BLVRA: variants seen among roughly 807,000 people sequenced by gnomAD.
The protein encoded by BLVRA is BVR A.
A neutral mutation model predicts 32.8 loss-of-function variants in BLVRA; 22 were observed. The ratio of observed to expected loss-of-function variants is 0.67; its 90% CI spans 0.48 to 0.96. The LOEUF is 0.96. BLVRA is among the 40% of genes least tolerant of loss of function. BLVRA has a pLI of 0.00. For missense variants in BLVRA, 323 were observed against 358.1 expected (o/e 0.90, Z 0.79); for synonymous variants, 119 against 141.3 (o/e 0.84, Z 1.12).
At chr7:43,806,904 C>G in intron 7 of BLVRA, 73 bp from the exon 8 acceptor site, 1 of 1,570,526 alleles carries the variant, frequency 6.4e-7, no homozygotes, top group Admixed American at 1.7e-5. Context: ...ACCAGGCGGT[C>G]TGGTGCCAGC....
intron 3 of BLVRA, 133 bp downstream of exon 3, chr7:43,788,158 GC>G (rs1371804798): frequency 1.3e-6 from 2 of 1,509,458 alleles, no homozygotes; most frequent in Non-Finnish European, 1.8e-6. Flanking sequence ...CTTAGGGTCA[GC>G]CCCATAAGAT....
At chr7:43,799,478 A>ATTTAT (rs1160498519) in intron 5 of BLVRA, among the ~76,000 whole-genome samples, 2 of 152,134 alleles carry the variant, frequency 1.3e-5, no homozygotes, top group African/African-American at 2.4e-5. Flanking sequence ...ATAATCCAAA[A>ATTTAT]TTTATTTTAT....
intron 3 of BLVRA, among the ~76,000 whole-genome samples, chr7:43,790,785 G>A (rs1378691326): frequency 1.3e-5 from 2 of 152,176 alleles, no homozygotes; most frequent in Non-Finnish European, 2.9e-5. Context: ...TGATTCTCCT[G>A]CCTCAGCCTC....
intron 5 of BLVRA, among the ~76,000 whole-genome samples, chr7:43,798,226 A>AAAAAAT (rs1563550433): frequency 7.1e-6 from 1 of 141,600 alleles, no homozygotes; most frequent in Non-Finnish European, 1.5e-5. Flanking sequence ...AAAAAAAAAA[A>AAAAAAT]GGAAACGATG....
chr7:43,795,844 G>A (rs1399661923), intron 5 of BLVRA, among the ~76,000 whole-genome samples: 1 of 151,916 alleles, frequency 6.6e-6, no homozygotes, highest in African/African-American at 2.4e-5. Flanking sequence ...AGTGGCTCAC[G>A]CCTGTAATCC....
At chr7:43,760,324 T>C (rs1048315382) in intron 1 of BLVRA, among the ~76,000 whole-genome samples, 2 of 152,224 alleles carry the variant, frequency 1.3e-5, no homozygotes, top group African/African-American at 4.8e-5. Flanking sequence ...CACTGCTTAT[T>C]ACTCCCAGTC....
chr7:43,795,494 GAT>G lies in BLVRA; in HGVS notation c.352+2683_352+2684del, dbSNP rs938953615. Among the ~76,000 whole-genome samples the G allele has an allele frequency of 1.6e-4, 24 of 152,128 alleles. No homozygotes were observed. The South Asian group carries it at 1.7e-3, about 11-fold the overall frequency. On this transcript the variant is annotated intron_variant, in intron 5 of 7. Coordinates refer to ENST00000265523, the MANE Select transcript of BLVRA (RefSeq NM_000712.4). Reference sequence around the variant, plus strand: ...CGCACCACTGCACTCCAGCCTGGGCGATGGAGTGAGACTCTGCTCAAACAAAA... The same window carrying G: ...CGCACCACTGCACTCCAGCCTGGGCGGGAGTGAGACTCTGCTCAAACAAAA...
At chr7:43,791,494 G>C in intron 4 of BLVRA, 126 bp downstream of exon 4, 1 of 1,025,534 alleles carries the variant, frequency 9.8e-7, no homozygotes. Context: ...ATTGCTCTGT[G>C]ACCAATCACA....
At chr7:43,774,348 T>C (rs1395976296) in intron 2 of BLVRA, among the ~76,000 whole-genome samples, 3 of 152,330 alleles carry the variant, frequency 2.0e-5, no homozygotes, top group Admixed American at 6.5e-5. Flanking sequence ...GTTTCAGCTT[T>C]CTACATATGG....
intron 7 of BLVRA, among the ~76,000 whole-genome samples, chr7:43,806,190 G>A (rs1453499537): frequency 7.9e-5 from 12 of 152,186 alleles, no homozygotes; most frequent in Admixed American, 6.5e-4. Context: ...GCAGGTGCCT[G>A]TAATCCCAGG....
At chr7:43,778,520 T>C (rs915207234) in intron 2 of BLVRA, among the ~76,000 whole-genome samples, 12 of 152,200 alleles carry the variant, frequency 7.9e-5, no homozygotes, top group Non-Finnish European at 1.5e-4. Flanking sequence ...CCTCTGGAAG[T>C]TTTGTCTCAG....
chr7:43,798,308 A>G lies in BLVRA; in HGVS notation c.353-2157A>G, dbSNP rs139826326. ...ATCTAATTACTAATGATATCACTTC[A>G]TTAGGTGGTGTCTGACGGGCTTTTC... On this transcript the variant is annotated intron_variant, in intron 5 of 7. Transcript: ENST00000265523. 2.3e-3 allele frequency among the ~76,000 whole-genome samples: 348 copies of G among 149,962 alleles called. 2 individuals carry two copies. The highest frequency in any genetic ancestry group is 8.2e-3 in the African/African-American group (336 of 40,762).
At chr7:43,801,884 C>A (rs189490855) in intron 6 of BLVRA, among the ~76,000 whole-genome samples, 63 of 152,174 alleles carry the variant, frequency 4.1e-4, no homozygotes, top group African/African-American at 1.4e-3. Flanking sequence ...CCTGTAATTC[C>A]AGCACTTGGG....
chr7:43,763,631 C>G (rs1407267930), intron 1 of BLVRA, among the ~76,000 whole-genome samples: 6 of 152,246 alleles, frequency 3.9e-5, no homozygotes, highest in Non-Finnish European at 7.3e-5. Context: ...GGCTCTGTTT[C>G]ATGAAGTAAT....
intron 1 of BLVRA, among the ~76,000 whole-genome samples, chr7:43,770,908 A>C (rs557292690): frequency 6.6e-6 from 1 of 152,240 alleles, no homozygotes; most frequent in South Asian, 2.1e-4. Flanking sequence ...GCCCTTCTCT[A>C]AGGAAGCATT....
At chr7:43,797,842 G>C (rs1248533489) in intron 5 of BLVRA, among the ~76,000 whole-genome samples, 1 of 152,006 alleles carries the variant, frequency 6.6e-6, no homozygotes, top group African/African-American at 2.4e-5. Context: ...CCCTAAATTT[G>C]AATATATCTG....
At chr7:43,803,192 A>C (rs1386399813) in intron 6 of BLVRA, among the ~76,000 whole-genome samples, 1 of 152,192 alleles carries the variant, frequency 6.6e-6, no homozygotes, top group African/African-American at 2.4e-5. Context: ...CCACTTACAC[A>C]TCAGGTAGTT....
intron 3 of BLVRA, among the ~76,000 whole-genome samples, chr7:43,789,755 C>G (rs2095783146): frequency 1.3e-5 from 2 of 152,118 alleles, no homozygotes; most frequent in Non-Finnish European, 2.9e-5. Context: ...CCTGACCTAC[C>G]TGCTAAGTTC....
chr7:43,763,122 G>A (rs2095744209), intron 1 of BLVRA, among the ~76,000 whole-genome samples: 1 of 152,170 alleles, frequency 6.6e-6, no homozygotes, highest in South Asian at 2.1e-4. Flanking sequence ...CAGGATTGGA[G>A]GAGCCAACAA....
Sources: allele counts gnomAD v4.1 joint callset (sites outside exome capture counted in the v4.1 genomes callset), GRCh38; gene constraint gnomAD v4.1.1; transcripts MANE v1.5; gene names NCBI Gene and HGNC (gene_info 2026-07-23, HGNC 2026-07-21).